The following ST8SIA5 variants were observed in gnomAD, a reference collection of about 807,000 sequenced individuals.
ST8SIA5 encodes ST8 alpha-N-acetyl-neuraminide alpha-2,8-sialyltransferase 5.
In ST8SIA5, 24 loss-of-function variants were observed where a neutral mutation model predicts 40.2. The ratio of observed to expected loss-of-function variants is 0.60; its 90% CI spans 0.43 to 0.84. The LOEUF is 0.84. Ranked by LOEUF, ST8SIA5 falls within the 40% of genes least tolerant of loss-of-function variation. ST8SIA5 has a pLI of 0.00. For missense variants in ST8SIA5, 465 were observed against 498.5 expected, an observed-to-expected ratio of 0.93 and a Z score of 0.64; for synonymous variants, 198 against 201.8, an observed-to-expected ratio of 0.98 and a Z score of 0.16.
intron 3 of ST8SIA5, 118 bp downstream of exon 3, chr18:46,692,051 G>A (rs1026720598): frequency 6.8e-6 from 7 of 1,036,286 alleles, no homozygotes; most frequent in East Asian, 4.8e-5. Flanking sequence ...CCCAGTCAGG[G>A]TCTGCTCTGG....
chr18:46,737,864 A>G (rs1289466911), intron 1 of ST8SIA5, among the ~76,000 whole-genome samples: 1 of 151,826 alleles, frequency 6.6e-6, no homozygotes, highest in African/African-American at 2.4e-5. Context: ...TCTACCTCCC[A>G]GGTTCAAGCG....
chr18:46,687,964 C>A (rs747755620), intron 4 of ST8SIA5, among the ~76,000 whole-genome samples: 1 of 152,234 alleles, frequency 6.6e-6, no homozygotes, highest in Non-Finnish European at 1.5e-5. Context: ...CAGGTTCCAG[C>A]GCCCCTTCTC....
chr18:46,729,705 C>G (rs1006887510), intron 1 of ST8SIA5, among the ~76,000 whole-genome samples: 1 of 152,226 alleles, frequency 6.6e-6, no homozygotes. Flanking sequence ...AAGTATCTTA[C>G]CCATTAACCT....
intron 1 of ST8SIA5, among the ~76,000 whole-genome samples, chr18:46,750,469 C>T (rs1223181777): frequency 6.6e-6 from 1 of 152,164 alleles, no homozygotes; most frequent in Non-Finnish European, 1.5e-5. Flanking sequence ...TTCTTCTCAG[C>T]ATTGACACCT....
chr18:46,692,028 C>T (rs2039510449), intron 3 of ST8SIA5, 141 bp downstream of exon 3: 4 of 810,786 alleles, frequency 4.9e-6, no homozygotes, highest in African/African-American at 1.7e-5. Flanking sequence ...CCCCCACTGC[C>T]CGGATTCCTA....
chr18:46,681,895 C>T (rs915903846), intron 6 of ST8SIA5, 77 bp downstream of exon 6: 4 of 1,482,302 alleles, frequency 2.7e-6, no homozygotes, highest in African/African-American at 2.8e-5. Context: ...ACTAACAACA[C>T]TTCCAGTGCC....
chr18:46,705,577 C>A (rs1206010661), intron 1 of ST8SIA5, among the ~76,000 whole-genome samples: 2 of 152,372 alleles, frequency 1.3e-5, no homozygotes, highest in African/African-American at 4.8e-5. Flanking sequence ...CAAGGCTGCT[C>A]TTTCTGCCAC....
chr18:46,687,839 G>A (rs2039462918), intron 4 of ST8SIA5, among the ~76,000 whole-genome samples: 1 of 152,190 alleles, frequency 6.6e-6, no homozygotes, highest in African/African-American at 2.4e-5. Context: ...ACTGAATGCT[G>A]TCCTGGGCCC....
chr18:46,753,234 G>A (rs1445656505), intron 1 of ST8SIA5, among the ~76,000 whole-genome samples: 1 of 152,096 alleles, frequency 6.6e-6, no homozygotes, highest in African/African-American at 2.4e-5. Context: ...AACATCTTAT[G>A]TGCTGGACAC....
intron 2 of ST8SIA5, among the ~76,000 whole-genome samples, chr18:46,700,716 G>C (rs1460456330): frequency 1.3e-5 from 2 of 152,200 alleles, no homozygotes; most frequent in African/African-American, 4.8e-5. Flanking sequence ...AGCTAGGATG[G>C]CTGCTCACCC....
At chr18:46,712,392 A>T (rs570172806) in intron 1 of ST8SIA5, among the ~76,000 whole-genome samples, 53 of 152,058 alleles carry the variant, frequency 3.5e-4, no homozygotes, top group African/African-American at 1.2e-3. Flanking sequence ...AGTAGTCCCC[A>T]TCTCCACCCC....
At chr18:46,729,860 G>C (rs1186601989) in intron 1 of ST8SIA5, among the ~76,000 whole-genome samples, 1 of 117,218 alleles carries the variant, frequency 8.5e-6, no homozygotes, top group East Asian at 4.7e-4. Flanking sequence ...TTGCACAGGT[G>C]GGGTCCTCGG....
At chr18:46,707,908 C>T (rs1407537212) in intron 1 of ST8SIA5, among the ~76,000 whole-genome samples, 1 of 152,230 alleles carries the variant, frequency 6.6e-6, no homozygotes, top group Non-Finnish European at 1.5e-5. Context: ...TCTCAGCCTC[C>T]AGAACTGTGA....
intron 2 of ST8SIA5, among the ~76,000 whole-genome samples, chr18:46,693,842 A>G (rs1167642622): frequency 1.3e-5 from 2 of 152,192 alleles, no homozygotes; most frequent in African/African-American, 4.8e-5. Flanking sequence ...CTCAGAGCCA[A>G]GTCCACATTC....
At chr18:46,734,692 A>C (rs1295249981) in intron 1 of ST8SIA5, among the ~76,000 whole-genome samples, 2 of 152,198 alleles carry the variant, frequency 1.3e-5, no homozygotes, top group Non-Finnish European at 2.9e-5. Flanking sequence ...GGGCTCCTAC[A>C]CAGCCCTTAG....
At chr18:46,733,119 A>G (rs1599143241) in intron 1 of ST8SIA5, among the ~76,000 whole-genome samples, 2 of 152,328 alleles carry the variant, frequency 1.3e-5, no homozygotes, top group East Asian at 3.9e-4. Context: ...CAAGACCCCC[A>G]GGGTCTTCAC....
At chr18:46,685,080 C>A (rs573877096) in intron 5 of ST8SIA5, among the ~76,000 whole-genome samples, 7 of 152,244 alleles carry the variant, frequency 4.6e-5, no homozygotes, top group Admixed American at 3.9e-4. Flanking sequence ...GTGATTTAAT[C>A]CTATAACTGA....
chr18:46,672,619 A>T lies in ST8SIA5; in HGVS notation c.*7423T>A, dbSNP rs200812927. ...GCTTTTGGTTTTTTTCCTTTGAAAT[A>T]AAAAAAAAAAAAAAGAAAGGTTCTC... On this transcript the variant is annotated 3_prime_UTR_variant, in exon 7 of 7. Coordinates refer to ENST00000315087, the MANE Select transcript of ST8SIA5 (RefSeq NM_013305.6). 9.5e-5 allele frequency: 1 copy of T among 10,502 alleles called. No individual in the cohort carries two copies. The highest frequency in any genetic ancestry group is 3.1e-4 in the African/African-American group (1 of 3,274). 0.7% of individuals were successfully genotyped at this position (10,502 alleles called of 1,614,324 possible). A position where few individuals can be genotyped will look rare whatever the true frequency, so the allele number is the denominator to read the frequency against.
Position 46,675,431 on chromosome 18 carries a change from T to C in ST8SIA5, c.*4611A>G, listed in dbSNP as rs998914851. 2.0e-5 allele frequency: 3 copies of C among 152,184 alleles called. No homozygotes were observed. Among genetic ancestry groups the C allele is most frequent in the Non-Finnish European group, 4.4e-5 (3 of 68,038 alleles). 9.4% of individuals were successfully genotyped at this position (152,184 alleles called of 1,614,324 possible). A position where few individuals can be genotyped will look rare whatever the true frequency, so the allele number is the denominator to read the frequency against. ...GTAGGAGGAGACTCTGAGTTCAGAT[T>C]GTTCTTTTAACTATACCAGTTGAGG... On this transcript the variant is annotated 3_prime_UTR_variant, in exon 7 of 7. Transcript: ENST00000315087.
Sources: allele counts gnomAD v4.1 joint callset (sites outside exome capture counted in the v4.1 genomes callset), GRCh38; gene constraint gnomAD v4.1.1; transcripts MANE v1.5; gene names NCBI Gene and HGNC (gene_info 2026-07-23, HGNC 2026-07-21).